ARHGEF10: variants seen among roughly 807,000 people sequenced by gnomAD.
The protein encoded by ARHGEF10 is Rho guanine nucleotide exchange factor (GEF) 10.
Under a neutral mutation model 147.4 loss-of-function variants are expected in ARHGEF10, and 140 were observed. That is an observed-to-expected ratio of 0.95 (90% CI 0.83 to 1.09). The LOEUF (loss-of-function observed/expected upper bound fraction) is 1.09. Ranked by LOEUF, ARHGEF10 falls within the 50% of genes least tolerant of loss-of-function variation. The probability of loss-of-function intolerance (pLI) is 0.00; values close to 1 mark genes in which losing one functional copy is unlikely to be tolerated. For synonymous variants in ARHGEF10, 902 were observed against 695.8 expected (o/e 1.30, Z -4.67); for missense variants, 2,222 against 1,752.7 (o/e 1.27, Z -4.78).
In ARHGEF10 at chr8:1,937,220, A is replaced by C. The variant is rs1023249962; in HGVS notation, c.3222+3278A>C. Reference sequence around the variant, plus strand: ...CACTTCTTATTTCACGTGCCCTGAGAATGAGAAGCCTTCAGTTTCGTGGGG... The same window carrying C: ...CACTTCTTATTTCACGTGCCCTGAGCATGAGAAGCCTTCAGTTTCGTGGGG... On this transcript the variant is annotated intron_variant, in intron 26 of 28. Coordinates refer to ENST00000349830, the MANE Select transcript of ARHGEF10 (RefSeq NM_014629.4). The surrounding 1 kb of genome is among the most constrained non-coding windows in gnomAD (Gnocchi z 4.9). Among the ~76,000 whole-genome samples the C allele has an allele frequency of 2.0e-5, 3 of 152,106 alleles. No homozygotes were observed. Among genetic ancestry groups the C allele is most frequent in the African/African-American group, 7.2e-5 (3 of 41,416 alleles).
At position 1,864,247 on chromosome 8, in the gene ARHGEF10, C is replaced by A. The variant is rs1168308232; in HGVS notation, c.482-126C>A. The A allele has an allele frequency of 6.5e-6, 6 of 929,800 alleles. No individual in the cohort carries two copies. The Admixed American group carries it at 7.3e-5, about 11-fold the overall frequency. The allele number at this position is 929,800 out of a possible 1,614,324, so 57.6% of individuals were successfully genotyped here. A position where few individuals can be genotyped will look rare whatever the true frequency, so the allele number is the denominator to read the frequency against. ...TAAAAATTTTTAAGTTTATTAATCA[C>A]CCTTATGCTAAGATAAGCCTCTGAT... On this transcript the variant is annotated intron_variant, in intron 4 of 28. Transcript: ENST00000349830.
At chr8:1,862,063 C>T (rs1806174167) in intron 4 of ARHGEF10, among the ~76,000 whole-genome samples, 1 of 152,188 alleles carries the variant, frequency 6.6e-6, no homozygotes, top group Non-Finnish European at 1.5e-5. Flanking sequence ...GCAGGTGGTT[C>T]TCCGGTTGCG....
rs1195339701 is a variant in ARHGEF10 at position 1,919,910 on chromosome 8, T to G, written c.2144-3054T>G. ...GCTGTTCTGTCAGTGATGGAGCTGT[T>G]CTGTGGATGATGGAGCTGTTCTATG... On this transcript the variant is annotated intron_variant, in intron 18 of 28. Coordinates refer to ENST00000349830, the MANE Select transcript of ARHGEF10 (RefSeq NM_014629.4). Among the ~76,000 whole-genome samples the G allele has an allele frequency of 5.4e-5, 8 of 148,508 alleles. 1 individual carries two copies. Among genetic ancestry groups the G allele is most frequent in the South Asian group, 2.2e-4 (1 of 4,584 alleles).
chr8:1,875,869 T>C (rs575847727), intron 7 of ARHGEF10, among the ~76,000 whole-genome samples: 77 of 152,366 alleles, frequency 5.1e-4, no homozygotes, highest in African/African-American at 1.8e-3. Context: ...TGACTGTGGA[T>C]GCATAAAGAA....
rs539338508 is a variant in ARHGEF10, at chr8:1,858,347, C to T, written c.193+232C>T. Among the ~76,000 whole-genome samples, 19 of 152,208 alleles carry T rather than the reference C, an allele frequency of 1.2e-4. No individual in the cohort carries two copies. The East Asian group carries it at 1.7e-3, about 14-fold the overall frequency. ...CTCGCCGATTTTCTCCCCATTCTTA[C>T]GGCCCAATTGGAACATTGTAGGGAA... On this transcript the variant is annotated intron_variant, in intron 3 of 28. Coordinates refer to ENST00000349830, the MANE Select transcript of ARHGEF10 (RefSeq NM_014629.4).
intron 15 of ARHGEF10, 39 bp from the exon 16 acceptor site, chr8:1,903,242 C>G: frequency 6.2e-7 from 1 of 1,612,586 alleles, no homozygotes; most frequent in South Asian, 1.1e-5. Flanking sequence ...CTGGGAGTGT[C>G]CACGTGGTAA....
chr8:1,912,590 T>C (rs1171758122), intron 18 of ARHGEF10, among the ~76,000 whole-genome samples: 1 of 113,154 alleles, frequency 8.8e-6, no homozygotes, highest in Admixed American at 8.2e-5. Flanking sequence ...AAAAGCGCCA[T>C]GTGGATCGCG....
At chr8:1,832,298 G>C (rs1279880093) in intron 1 of ARHGEF10, among the ~76,000 whole-genome samples, 1 of 152,092 alleles carries the variant, frequency 6.6e-6, no homozygotes, top group Non-Finnish European at 1.5e-5. Context: ...CGCCCTTGCT[G>C]TGGACAGAGA....
chr8:1,882,835 C>T (rs982358645), intron 10 of ARHGEF10, 86 bp downstream of exon 10: 3 of 810,758 alleles, frequency 3.7e-6, no homozygotes, highest in African/African-American at 1.7e-5. Flanking sequence ...GGGTGGGGGG[C>T]GGCCGCGCAG....
At chr8:1,843,587 C>T (rs998438218) in intron 2 of ARHGEF10, 151 bp downstream of exon 2, 20 of 700,872 alleles carry the variant, frequency 2.9e-5, no homozygotes, top group Non-Finnish European at 4.8e-5. Context: ...CTGACGTGAG[C>T]CTGGGTGCCC....
At chr8:1,882,486 A>C (rs1282504001) in intron 9 of ARHGEF10, 149 bp from the exon 10 acceptor site, 2 of 754,526 alleles carry the variant, frequency 2.7e-6, no homozygotes, top group African/African-American at 3.5e-5. Flanking sequence ...CAACAAACAA[A>C]ACCAAAACAA....
chr8:1,831,907 G>T (rs548908881), intron 1 of ARHGEF10, among the ~76,000 whole-genome samples: 1 of 152,202 alleles, frequency 6.6e-6, no homozygotes, highest in African/African-American at 2.4e-5. Flanking sequence ...GCACATGGCC[G>T]GGTGGAGTTG....
intron 9 of ARHGEF10, among the ~76,000 whole-genome samples, 190 bp from the exon 10 acceptor site, chr8:1,882,445 G>A (rs1428651639): frequency 6.6e-6 from 1 of 152,192 alleles, no homozygotes; most frequent in Admixed American, 6.5e-5. Context: ...AGGAAGGGCT[G>A]TATTTTTAAG....
At chr8:1,851,170 G>A (rs867078295) in intron 2 of ARHGEF10, among the ~76,000 whole-genome samples, 46 of 150,784 alleles carry the variant, frequency 3.1e-4, no homozygotes, top group African/African-American at 1.1e-3. Context: ...CACGCACACC[G>A]TGGGCTTTAG....
intron 2 of ARHGEF10, among the ~76,000 whole-genome samples, chr8:1,851,564 C>T (rs1805153253): frequency 6.6e-6 from 1 of 152,166 alleles, no homozygotes; most frequent in Non-Finnish European, 1.5e-5. Flanking sequence ...TCTGTACCTT[C>T]CTCTCAATTT....
intron 23 of ARHGEF10, chr8:1,926,687 T>G (rs1317430359): frequency 1.7e-6 from 1 of 598,684 alleles, no homozygotes; most frequent in Admixed American, 2.8e-5. Context: ...CCTTTTCATC[T>G]AAAACATTTA....
chr8:1,940,781 A>G lies in ARHGEF10; in HGVS notation c.3223-4700A>G, dbSNP rs76711843. 1.1e-4 allele frequency among the ~76,000 whole-genome samples: 17 copies of G among 152,342 alleles called. No homozygotes were observed. In the East Asian group the frequency reaches 3.1e-3, roughly 28 times the overall value. ...TGAAAGGATTGTGTACCCTGGAAAA[A>G]TGAGATGGATTCCTGAAATGCAAAG... is the stretch of plus-strand genomic sequence containing the variant. On this transcript the variant is annotated intron_variant, in intron 26 of 28. Transcript: ENST00000349830.
At chr8:1,884,387 G>C (rs1388356905) in intron 10 of ARHGEF10, among the ~76,000 whole-genome samples, 11 of 129,564 alleles carry the variant, frequency 8.5e-5, no homozygotes, top group Middle Eastern at 3.7e-3. Context: ...CAGAGCAAGA[G>C]TCCATCTCAA....
At chr8:1,903,473 C>T (rs1810643364) in intron 16 of ARHGEF10, 22 bp downstream of exon 16, 6 of 1,613,388 alleles carry the variant, frequency 3.7e-6, no homozygotes, top group Non-Finnish European at 5.1e-6. Context: ...TTTTCTTCAA[C>T]TCTATTCCAA....
Sources: allele counts gnomAD v4.1 joint callset (sites outside exome capture counted in the v4.1 genomes callset), GRCh38; gene constraint gnomAD v4.1.1; non-coding constraint Gnocchi (gnomAD v3.1); transcripts MANE v1.5; gene names NCBI Gene and HGNC (gene_info 2026-07-23, HGNC 2026-07-21).